Variants in ADGRG6 observed in about 807,000 individuals in gnomAD.
The protein encoded by ADGRG6 is G-protein coupled receptor 126.
A neutral mutation model predicts 142.4 loss-of-function variants in ADGRG6; 84 were observed. That is an observed-to-expected ratio of 0.59 (90% CI 0.49 to 0.71). The LOEUF is 0.71. Among genes scored for constraint, ADGRG6 ranks in the 30% least tolerant of loss-of-function variants. The pLI, the probability that ADGRG6 is intolerant of heterozygous loss-of-function variation, is 0.00. For synonymous variants in ADGRG6, 521 were observed against 520.5 expected (o/e 1.00, Z -0.01); for missense variants, 1,367 against 1,466.6 (o/e 0.93, Z 1.11).
intron 24 of ADGRG6, among the ~76,000 whole-genome samples, chr6:142,439,135 G>A (rs1176457761): frequency 6.6e-6 from 1 of 152,106 alleles, no homozygotes; most frequent in Admixed American, 6.6e-5. Flanking sequence ...GGGCAACATA[G>A]CAAGACCCCA....
intron 10 of ADGRG6, among the ~76,000 whole-genome samples, chr6:142,399,433 A>G (rs1775385080): frequency 6.6e-6 from 1 of 152,098 alleles, no homozygotes; most frequent in Non-Finnish European, 1.5e-5. Flanking sequence ...GGAGGGAGGG[A>G]GAATGCAAGC....
At chr6:142,389,013 A>G (rs1426419780) in intron 6 of ADGRG6, among the ~76,000 whole-genome samples, 1 of 152,100 alleles carries the variant, frequency 6.6e-6, no homozygotes, top group Middle Eastern at 3.2e-3. Context: ...TTAAAGGAAT[A>G]TAAAAGTCAA....
At chr6:142,315,770 G>A (rs1205285357) in intron 2 of ADGRG6, among the ~76,000 whole-genome samples, 2 of 151,868 alleles carry the variant, frequency 1.3e-5, no homozygotes, top group African/African-American at 2.4e-5. Flanking sequence ...GGTGGAGGTT[G>A]CAGTGAGCCG....
intron 2 of ADGRG6, among the ~76,000 whole-genome samples, chr6:142,344,796 A>T (rs1029277384): frequency 1.3e-5 from 2 of 151,978 alleles, no homozygotes; most frequent in African/African-American, 4.8e-5. Flanking sequence ...ACAGCTTTTA[A>T]CATTTCTAAT....
chr6:142,329,669 A>G (rs1778945628), intron 2 of ADGRG6, among the ~76,000 whole-genome samples: 1 of 152,164 alleles, frequency 6.6e-6, no homozygotes, highest in South Asian at 2.1e-4. Context: ...TTTGTGATCA[A>G]CACAAAGGGT....
At chr6:142,394,938 A>AT (rs1397059946) in intron 9 of ADGRG6, among the ~76,000 whole-genome samples, 1 of 152,098 alleles carries the variant, frequency 6.6e-6, no homozygotes, top group African/African-American at 2.4e-5. Flanking sequence ...AAAAGTTTCT[A>AT]TAAGTCTTGC....
chr6:142,397,574 T>C (rs752146256), intron 9 of ADGRG6, 39 bp from the exon 10 acceptor site: 9 of 1,587,940 alleles, frequency 5.7e-6, no homozygotes, highest in Admixed American at 1.8e-5. Flanking sequence ...AAGCAACCAA[T>C]GAACAACAAC....
chr6:142,313,258 C>G (rs1777857986), intron 2 of ADGRG6, among the ~76,000 whole-genome samples: 1 of 152,078 alleles, frequency 6.6e-6, no homozygotes, highest in South Asian at 2.1e-4. Context: ...TTAACTGTTA[C>G]TCTGGCTCTT....
intron 2 of ADGRG6, 78 bp from the exon 3 acceptor site, chr6:142,367,491 C>A: frequency 1.1e-6 from 1 of 884,146 alleles, no homozygotes; most frequent in Non-Finnish European, 1.7e-6. Flanking sequence ...TGATTGTCGC[C>A]AGTGTGTGGT....
At chr6:142,319,372 C>T (rs1202660233) in intron 2 of ADGRG6, among the ~76,000 whole-genome samples, 1 of 152,040 alleles carries the variant, frequency 6.6e-6, no homozygotes, top group African/African-American at 2.4e-5. Context: ...CAAAGTAAAT[C>T]GGACAAAAAT....
intron 2 of ADGRG6, among the ~76,000 whole-genome samples, chr6:142,357,945 A>C (rs1210749483): frequency 6.6e-6 from 1 of 152,206 alleles, no homozygotes; most frequent in Non-Finnish European, 1.5e-5. Flanking sequence ...TCACAACAAC[A>C]CTGAAAACTA....
At chr6:142,373,881 C>CTTTTTTTTTTTT (rs769498618) in intron 4 of ADGRG6, among the ~76,000 whole-genome samples, 23 of 93,820 alleles carry the variant, frequency 2.5e-4, no homozygotes, top group African/African-American at 5.0e-4. Flanking sequence ...TTTTTCTTTT[C>CTTTTTTTTTTTT]TTTTTTTTTT....
intron 2 of ADGRG6, among the ~76,000 whole-genome samples, chr6:142,318,005 TAATATTTATG>T (rs1778228013): frequency 2.2e-5 from 1 of 45,464 alleles, no homozygotes; most frequent in African/African-American, 9.9e-5. Flanking sequence ...ATATTATATA[TAATATTTATG>T]TTATATATAT....
intron 2 of ADGRG6, among the ~76,000 whole-genome samples, chr6:142,366,989 ATTTATT>A (rs1780970417): frequency 1.3e-5 from 2 of 152,138 alleles, no homozygotes; most frequent in Non-Finnish European, 2.9e-5. Flanking sequence ...AGGTGATGCT[ATTTATT>A]TGAATTTCAG....
chr6:142,430,708 A>G (rs1777170134), intron 22 of ADGRG6, among the ~76,000 whole-genome samples: 1 of 152,232 alleles, frequency 6.6e-6, no homozygotes, highest in Admixed American at 6.5e-5. Flanking sequence ...ACTTAGAAAT[A>G]GGTGTATTAT....
intron 2 of ADGRG6, among the ~76,000 whole-genome samples, chr6:142,350,621 A>G (rs1780127132): frequency 6.6e-6 from 1 of 152,188 alleles, no homozygotes; most frequent in South Asian, 2.1e-4. Context: ...TGCTGAATAA[A>G]TATAAAGTGA....
intron 1 of ADGRG6, 110 bp downstream of exon 1, chr6:142,302,441 T>A: frequency 8.7e-7 from 1 of 1,153,910 alleles, no homozygotes; most frequent in South Asian, 1.5e-5. Context: ...TTATAAGGAC[T>A]TCAACTGCAC....
At chr6:142,409,592 G>A (rs544446906) in intron 16 of ADGRG6, among the ~76,000 whole-genome samples, 3 of 152,124 alleles carry the variant, frequency 2.0e-5, no homozygotes, top group Admixed American at 6.6e-5. Flanking sequence ...TAAATGCTAA[G>A]AATGAGAGTA....
Position 142,370,206 on chromosome 6 carries a change from C to T in ADGRG6, c.482C>T (p.Pro161Leu). ...VSLRNQKVIL[P>L]QTSDAYQVSV... is the part of the protein sequence containing the mutation. The stretch of plus-strand genomic sequence containing the variant: ...TTAAGGAATCAAAAGGTCATTTTAC[C>T]CCAGACATCAGATGCTTACCAGGTA... The change falls in exon 4 of 25, where the codon CCC (proline) becomes CTC (leucine). Residue 161 changes from proline (P) to leucine (L), a missense_variant. Physicochemically the swap from Pro to Leu is moderately conservative, Grantham distance 98 (BLOSUM62 -3). Around this residue, in one of 3 missense-constraint regions of ADGRG6, gnomAD observed 737 missense variants for 746.5 expected, o/e 0.99. Coordinates refer to ENST00000367609, the MANE Select transcript of ADGRG6 (RefSeq NM_198569.3). 1.2e-6 allele frequency: 2 copies of T among 1,604,778 alleles called. No individual in the cohort carries two copies. The highest frequency in any genetic ancestry group is 8.5e-7 in the Non-Finnish European group (1 of 1,172,298).
Sources: gnomAD v4.1 joint callset for allele counts (sites outside exome capture counted in the v4.1 genomes callset) on GRCh38, gnomAD v4.1.1 for gene constraint, gnomAD v4.1.1 regional missense constraint, MANE v1.5 for transcripts, NCBI Gene and HGNC (gene_info 2026-07-23, HGNC 2026-07-21) for gene names.